Variants in GMDS observed in about 807,000 individuals in gnomAD.
The protein encoded by GMDS is GDP-mannose 4,6-dehydratase.
In GMDS, 20 loss-of-function variants were observed where a neutral mutation model predicts 49.9. The observed-to-expected ratio is 0.40, with a 90% CI of 0.28 to 0.58. The LOEUF (loss-of-function observed/expected upper bound fraction) is 0.58. Among genes scored for constraint, GMDS ranks in the 20% least tolerant of loss-of-function variants. The pLI, the probability that GMDS is intolerant of heterozygous loss-of-function variation, is 0.42. For missense variants in GMDS, 362 were observed against 481.4 expected, an observed-to-expected ratio of 0.75 and a Z score of 2.32; for synonymous variants, 177 against 178.6, an observed-to-expected ratio of 0.99 and a Z score of 0.07.
At chr6:2,220,222 C>G (rs529993449) in intron 1 of GMDS, among the ~76,000 whole-genome samples, 1 of 152,298 alleles carries the variant, frequency 6.6e-6, no homozygotes, top group Non-Finnish European at 1.5e-5. Context: ...TTTCCCGGTC[C>G]TTCAATACTT....
chr6:1,733,711 T>C (rs1037927506), intron 8 of GMDS, among the ~76,000 whole-genome samples: 8 of 152,056 alleles, frequency 5.3e-5, no homozygotes, highest in Non-Finnish European at 1.2e-4. Flanking sequence ...CAGCTGGGCC[T>C]GGTGGTGGTG....
chr6:2,084,814 A>G (rs1460981841), intron 4 of GMDS, among the ~76,000 whole-genome samples: 1 of 152,122 alleles, frequency 6.6e-6, no homozygotes, highest in Non-Finnish European at 1.5e-5. Context: ...GCCTAAATAA[A>G]ACTCTTTAAT....
chr6:1,919,061 T>C (rs780127589), intron 7 of GMDS, among the ~76,000 whole-genome samples: 6 of 152,216 alleles, frequency 3.9e-5, no homozygotes, highest in African/African-American at 1.4e-4. Context: ...TTCATTTTTA[T>C]AATTTTATAA....
chr6:1,871,699 C>A (rs1581280446), intron 7 of GMDS, among the ~76,000 whole-genome samples: 2 of 152,318 alleles, frequency 1.3e-5, no homozygotes. Flanking sequence ...TCCTAAGCTG[C>A]TGTTGTGAAT....
chr6:2,033,373 AT>A (rs1769088507), intron 4 of GMDS, among the ~76,000 whole-genome samples: 1 of 152,174 alleles, frequency 6.6e-6, no homozygotes, highest in African/African-American at 2.4e-5. Context: ...TATCATATTA[AT>A]TGATTGGGAG....
intron 6 of GMDS, among the ~76,000 whole-genome samples, chr6:1,955,888 C>T (rs1763610630): frequency 6.6e-6 from 1 of 152,148 alleles, no homozygotes; most frequent in Admixed American, 6.5e-5. Context: ...GTTGGACAAA[C>T]TATGCTACAT....
intron 6 of GMDS, among the ~76,000 whole-genome samples, chr6:1,937,343 T>C (rs1375002582): frequency 6.6e-6 from 1 of 152,250 alleles, no homozygotes; most frequent in Non-Finnish European, 1.5e-5. Context: ...GTTACATTAA[T>C]AGCAGACACT....
rs1280371710 is a variant in GMDS at position 2,124,013 on chromosome 6, G to C, written c.147+674C>G. Among the ~76,000 whole-genome samples, 4 of 148,600 alleles carry C rather than the reference G, an allele frequency of 2.7e-5. No individual in the cohort carries two copies. The East Asian group carries it at 5.9e-4, about 22-fold the overall frequency. On this transcript the variant is annotated intron_variant, in intron 2 of 10. Transcript: ENST00000380815. ...TATTAATGTAAACATTCATAAAACAGATCAGAGCATACGGGCCACTGTAAA... is the reference window on the plus strand; with the variant it reads ...TATTAATGTAAACATTCATAAAACACATCAGAGCATACGGGCCACTGTAAA...
chr6:2,179,136 C>A (rs1049913681), intron 1 of GMDS, among the ~76,000 whole-genome samples: 1 of 152,124 alleles, frequency 6.6e-6, no homozygotes, highest in Admixed American at 6.5e-5. Flanking sequence ...CACAGTAAAA[C>A]GTTATAGTAC....
intron 4 of GMDS, among the ~76,000 whole-genome samples, chr6:2,038,608 CTT>C (rs1482060031): frequency 6.6e-6 from 1 of 152,020 alleles, no homozygotes; most frequent in Non-Finnish European, 1.5e-5. Context: ...CTTCATATAA[CTT>C]TTCTCAAAAG....
chr6:2,239,168 A>C (rs1367185361), intron 1 of GMDS, among the ~76,000 whole-genome samples: 1 of 152,178 alleles, frequency 6.6e-6, no homozygotes, highest in Non-Finnish European at 1.5e-5. Context: ...AACTCTACTA[A>C]AAATACAAAA....
chr6:2,169,935 G>A (rs1777881206), intron 1 of GMDS, among the ~76,000 whole-genome samples: 1 of 152,178 alleles, frequency 6.6e-6, no homozygotes, highest in African/African-American at 2.4e-5. Flanking sequence ...TGGGCGCGGT[G>A]GCTCACGCCT....
At chr6:1,922,748 A>G (rs1372714278) in intron 7 of GMDS, among the ~76,000 whole-genome samples, 1 of 152,206 alleles carries the variant, frequency 6.6e-6, no homozygotes, top group Non-Finnish European at 1.5e-5. Flanking sequence ...TGACTCAGGG[A>G]AGAGCCGGCT....
chr6:1,939,177 T>C (rs1762694361), intron 6 of GMDS, among the ~76,000 whole-genome samples: 1 of 152,198 alleles, frequency 6.6e-6, no homozygotes, highest in Non-Finnish European at 1.5e-5. Context: ...ATAATTCCAG[T>C]ATCTGAAGTT....
chr6:1,775,527 T>C (rs1768763458), intron 7 of GMDS, among the ~76,000 whole-genome samples: 1 of 152,246 alleles, frequency 6.6e-6, no homozygotes, highest in Non-Finnish European at 1.5e-5. Flanking sequence ...CTGGACATGA[T>C]GTGCTTGGAC....
intron 1 of GMDS, among the ~76,000 whole-genome samples, chr6:2,149,426 C>T (rs1349977565): frequency 6.6e-6 from 1 of 152,132 alleles, no homozygotes; most frequent in East Asian, 1.9e-4. Context: ...TGCCACAGAA[C>T]TCCCATGAAC....
At chr6:1,972,750 C>A (rs1033925700) in intron 4 of GMDS, among the ~76,000 whole-genome samples, 2 of 152,190 alleles carry the variant, frequency 1.3e-5, no homozygotes, top group Non-Finnish European at 2.9e-5. Flanking sequence ...ACTATACAGT[C>A]GCCGCAGATG....
At chr6:1,821,616 T>TG (rs1430617671) in intron 7 of GMDS, among the ~76,000 whole-genome samples, 1 of 35,420 alleles carries the variant, frequency 2.8e-5, no homozygotes, top group Non-Finnish European at 5.7e-5. Flanking sequence ...TATTTGTTTT[T>TG]TTTTTTTTTT....
chr6:1,835,897 T>G (rs946019922), intron 7 of GMDS, among the ~76,000 whole-genome samples: 4 of 152,066 alleles, frequency 2.6e-5, no homozygotes, highest in African/African-American at 4.8e-5. Context: ...TTATTATTAT[T>G]TTTTTGAGAC....
Sources: gnomAD v4.1 joint callset for allele counts (sites outside exome capture counted in the v4.1 genomes callset) on GRCh38, gnomAD v4.1.1 for gene constraint, MANE v1.5 for transcripts, NCBI Gene and HGNC (gene_info 2026-07-23, HGNC 2026-07-21) for gene names.